The following ANO7 variants were observed in gnomAD, a reference collection of about 807,000 sequenced individuals.
The protein encoded by ANO7 is anoctamin-7.
A neutral mutation model predicts 115.8 loss-of-function variants in ANO7; 114 were observed. The ratio of observed to expected loss-of-function variants is 0.98; its 90% CI spans 0.85 to 1.15. The LOEUF is 1.15. ANO7 is among the 50% of genes most tolerant of loss of function. The pLI is 0.00. For synonymous variants in ANO7, 550 were observed against 498.2 expected (o/e 1.10, Z -1.38); for missense variants, 1,302 against 1,201.2 (o/e 1.08, Z -1.24).
rs1357171548 is a variant in ANO7, at chr2:241,224,180, T to C, written c.*27T>C. 6.2e-7 allele frequency: 1 copy of C among 1,613,590 alleles called. No individual in the cohort carries two copies. Among genetic ancestry groups the C allele is most frequent in the Non-Finnish European group, 8.5e-7 (1 of 1,179,754 alleles). ...GCCTGGAAGGACATCTGGTGGTCCT[T>C]AGGGGAGTGGCCCCTCCTGAGCCCT... On this transcript the variant is annotated 3_prime_UTR_variant, in exon 25 of 25. Transcript: ENST00000674324.
chr2:241,218,227 T>C lies in ANO7; in HGVS notation c.2179-12T>C. 6.8e-7 allele frequency: 1 copy of C among 1,463,314 alleles called. No homozygotes were observed. Among genetic ancestry groups the C allele is most frequent in the Non-Finnish European group, 9.0e-7 (1 of 1,111,228 alleles). 90.6% of individuals were successfully genotyped at this position (1,463,314 alleles called of 1,614,324 possible). A position where few individuals can be genotyped will look rare whatever the true frequency, so the allele number is the denominator to read the frequency against. On this transcript the variant is annotated splice_polypyrimidine_tract_variant and intron_variant, in intron 20 of 24. Transcript: ENST00000674324. ...GCGGGGGCCGCCTCGCGCTGACCCC[T>C]CCGGCGCCCAGGCCTTCCTCCTGGC... is the stretch of plus-strand genomic sequence containing the variant.
At position 241,225,948 on chromosome 2, in the gene ANO7, T is replaced by C. The variant is rs1023823316; in HGVS notation, c.*1795T>C. On this transcript the variant is annotated 3_prime_UTR_variant, in exon 25 of 25. Transcript: ENST00000674324. Reference sequence around the variant, plus strand: ...CGTGTACTTCCTTCCAGCTGGTTGCTTTTTATTGTTGCTGTCTTAAACTCC... The same window carrying C: ...CGTGTACTTCCTTCCAGCTGGTTGCCTTTTATTGTTGCTGTCTTAAACTCC... 6.6e-6 allele frequency among the ~76,000 whole-genome samples: 1 copy of C among 152,224 alleles called. No homozygotes were observed. The highest frequency in any genetic ancestry group is 2.4e-5 in the African/African-American group (1 of 41,450).
chr2:241,204,796 G>A (rs1236353799), intron 9 of ANO7, 69 bp from the exon 10 acceptor site: 2 of 1,215,538 alleles, frequency 1.6e-6, no homozygotes, highest in Admixed American at 1.8e-5. Flanking sequence ...AAGCATGGCT[G>A]TGCAGACCCC....
At position 241,188,921 on chromosome 2, in the gene ANO7, G is replaced by A. The variant is rs577580433; in HGVS notation, c.-8+155G>A. Among the ~76,000 whole-genome samples the A allele has an allele frequency of 8.5e-5, 13 of 152,214 alleles. No individual in the cohort carries two copies. The highest frequency in any genetic ancestry group is 1.3e-4 in the Non-Finnish European group (9 of 68,004). On this transcript the variant is annotated intron_variant, in intron 1 of 24. Coordinates refer to ENST00000674324, the MANE Select transcript of ANO7 (RefSeq NM_001370694.2). The surrounding 1 kb of genome is among the most constrained non-coding windows in gnomAD (Gnocchi z 4.3). Reference sequence around the variant, plus strand: ...CCGCCCTGGTCCCCAAAGCCCCTTGGGGCACGAGGAGGGACACACACTCAG... The same window carrying A: ...CCGCCCTGGTCCCCAAAGCCCCTTGAGGCACGAGGAGGGACACACACTCAG...
chr2:241,202,422 G>A (rs1420362012), intron 8 of ANO7, 118 bp downstream of exon 8: 1 of 801,510 alleles, frequency 1.2e-6, no homozygotes, highest in African/African-American at 1.7e-5. Flanking sequence ...GGCCACCCAG[G>A]AGTCAGAACA....
Position 241,216,105 on chromosome 2 carries a change from C to T in ANO7, c.1839C>T (p.Gly613=). 1.2e-6 allele frequency: 2 copies of T among 1,609,106 alleles called. No homozygotes were observed. The highest frequency in any genetic ancestry group is 1.7e-6 in the Non-Finnish European group (2 of 1,178,412). The change falls in exon 19 of 25, where the codon GGC becomes GGT. Residue 613 remains glycine (G), a synonymous_variant. Coordinates refer to ENST00000674324, the MANE Select transcript of ANO7 (RefSeq NM_001370694.2). ...MQEVLIPKLK[G]WWQKFRLRSK... ...TTCCCGTCCCCAGGAAGCTAAAGGG[C>T]TGGTGGCAGAAGTTCCGGCTTCGCT...
At chr2:241,190,424 A>T (rs1473713268) in intron 2 of ANO7, among the ~76,000 whole-genome samples, 3 of 152,120 alleles carry the variant, frequency 2.0e-5, no homozygotes, top group Non-Finnish European at 4.4e-5. Flanking sequence ...CCAGGAGGGT[A>T]AGGGGGGCCT....
chr2:241,222,591 GTTTTTT>G (rs201747976), intron 21 of ANO7, among the ~76,000 whole-genome samples: 1 of 151,522 alleles, frequency 6.6e-6, no homozygotes, highest in Non-Finnish European at 1.5e-5. Flanking sequence ...TTGGTTTTTT[GTTTTTT>G]TTATTTTCCT....
intron 10 of ANO7, 61 bp downstream of exon 10, chr2:241,205,016 C>G: frequency 6.7e-7 from 1 of 1,485,426 alleles, no homozygotes; most frequent in South Asian, 1.1e-5. Flanking sequence ...GGGTGTGGGG[C>G]GGGGGGACCC....
At position 241,224,912 on chromosome 2, in the gene ANO7, C is replaced by T. The variant is rs1383426775; in HGVS notation, c.*759C>T. On this transcript the variant is annotated 3_prime_UTR_variant, in exon 25 of 25. Coordinates refer to ENST00000674324, the MANE Select transcript of ANO7 (RefSeq NM_001370694.2). ...CCAGGGCCCCTCTTGCTGTTTTTAC[C>T]TCTGTTCCTTGGGGCCTAGTACCCA... 1 of 152,314 alleles carries T rather than the reference C, an allele frequency of 6.6e-6. No homozygotes were observed. Among genetic ancestry groups the T allele is most frequent in the African/African-American group, 2.4e-5 (1 of 41,472 alleles). 9.4% of individuals were successfully genotyped at this position (152,314 alleles called of 1,614,324 possible). A position where few individuals can be genotyped will look rare whatever the true frequency, so the allele number is the denominator to read the frequency against.
At chr2:241,208,372 C>T (rs1057250519) in intron 11 of ANO7, among the ~76,000 whole-genome samples, 1 of 152,236 alleles carries the variant, frequency 6.6e-6, no homozygotes. Context: ...GTTTCTGGTG[C>T]TGCTGGCAGT....
At chr2:241,216,281 G>A in intron 19 of ANO7, 43 bp downstream of exon 19, 1 of 1,514,866 alleles carries the variant, frequency 6.6e-7, no homozygotes, top group Non-Finnish European at 8.8e-7. Flanking sequence ...GGCGCCGTGG[G>A]CAGGGATGGG....
In ANO7 at chr2:241,210,543, T is replaced by G; in HGVS notation, c.1534T>G (p.Ser512Ala). ...FILILSKIYV[S>A]LAHVLTRWEM... ...CCTCATCCTCTCCAAGATCTATGTA[T>G]CCCTGGCCCACGTCCTGACACGATG... The change falls in exon 15 of 25, where the codon TCC (serine) becomes GCC (alanine). Residue 512 changes from serine to alanine, a missense_variant. Physicochemically the swap from Ser to Ala is moderately conservative, Grantham distance 99 (BLOSUM62 1). Coordinates refer to ENST00000674324, the MANE Select transcript of ANO7 (RefSeq NM_001370694.2). The G allele has an allele frequency of 6.2e-7, 1 of 1,613,858 alleles. No individual in the cohort carries two copies. The highest frequency in any genetic ancestry group is 8.5e-7 in the Non-Finnish European group (1 of 1,179,980).
At chr2:241,235,559 G>C in the ANO7 span, 62 of 1,613,962 alleles carry the variant, frequency 3.8e-5, no homozygotes, top group Non-Finnish European at 5.1e-5. Context: ...GAAGGTCAAA[G>C]GGCACCTCTA....
In ANO7 at chr2:241,199,962, C is replaced by T. The variant is rs538428896; in HGVS notation, c.418-127C>T. 2.4e-5 allele frequency: 27 copies of T among 1,133,424 alleles called. 1 individual carries two copies. The highest frequency in any genetic ancestry group is 1.9e-4 in the South Asian group (13 of 67,516). The allele number at this position is 1,133,424 out of a possible 1,614,324, so 70.2% of individuals were successfully genotyped here. ...ACCTGGGCCCTCACAGGGTCTACCACGCTCCTTCCCTCTGCTGGAGCCCCT... is the reference window on the plus strand; with the variant it reads ...ACCTGGGCCCTCACAGGGTCTACCATGCTCCTTCCCTCTGCTGGAGCCCCT... On this transcript the variant is annotated intron_variant, in intron 5 of 24. Coordinates refer to ENST00000674324, the MANE Select transcript of ANO7 (RefSeq NM_001370694.2).
At position 241,188,708 on chromosome 2, in the gene ANO7, G is replaced by A. The variant is rs2068114919; in HGVS notation, c.-66G>A. The A allele has an allele frequency of 6.2e-7, 1 of 1,613,644 alleles. No individual in the cohort carries two copies. The highest frequency in any genetic ancestry group is 1.1e-5 in the South Asian group (1 of 91,072). On this transcript the variant is annotated 5_prime_UTR_variant, in exon 1 of 25. Transcript: ENST00000674324. This position sits in a 1 kb window ranked among gnomAD's most constrained non-coding sequence, Gnocchi z 4.3. ...GACGGGACTCTACTGCCGAGACCAG[G>A]CTCACGCTGAGAGGTGGGCCATGAC... is the stretch of plus-strand genomic sequence containing the variant.
At chr2:241,226,794 G>C (rs2069188488), downstream of ANO7, among the ~76,000 whole-genome samples, 1 of 152,154 alleles carries the variant, frequency 6.6e-6, no homozygotes, top group South Asian at 2.1e-4. Flanking sequence ...TCAGCAGCAG[G>C]AACACCTATT....
chr2:241,192,955 A>G (rs1014139416), intron 3 of ANO7, among the ~76,000 whole-genome samples: 7 of 152,310 alleles, frequency 4.6e-5, no homozygotes, highest in African/African-American at 1.7e-4. Context: ...GTAGGGATTC[A>G]GTGGAGATGG....
Position 241,191,356 on chromosome 2 carries a change from C to T in ANO7, c.166+105C>T, listed in dbSNP as rs537451232. 5.7e-6 allele frequency: 8 copies of T among 1,406,728 alleles called. No individual in the cohort carries two copies. In the South Asian group the frequency reaches 9.8e-5, roughly 17 times the overall value. The allele number at this position is 1,406,728 out of a possible 1,614,324, so 87.1% of individuals were successfully genotyped here. ...CAGGCTGGGGTAGCCTCCTCAGTAGCCACTCTGGGGCCAGTTGCTTGGGGA... is the reference window on the plus strand; with the variant it reads ...CAGGCTGGGGTAGCCTCCTCAGTAGTCACTCTGGGGCCAGTTGCTTGGGGA... On this transcript the variant is annotated intron_variant, in intron 3 of 24. Coordinates refer to ENST00000674324, the MANE Select transcript of ANO7 (RefSeq NM_001370694.2).
Sources: allele counts gnomAD v4.1 joint callset (sites outside exome capture counted in the v4.1 genomes callset), GRCh38; gene constraint gnomAD v4.1.1; non-coding constraint Gnocchi (gnomAD v3.1); transcripts MANE v1.5; gene names NCBI Gene and HGNC (gene_info 2026-07-23, HGNC 2026-07-21).